Variants in DDX3X observed in about 807,000 individuals in gnomAD.
The protein encoded by DDX3X is ATP-dependent RNA helicase DDX3X.
A neutral mutation model predicts 52.7 loss-of-function variants in DDX3X; 4 were observed. That is an observed-to-expected ratio of 0.08 (90% CI 0.04 to 0.17). The LOEUF is 0.17. Among genes scored for constraint, DDX3X ranks in the 10% least tolerant of loss-of-function variants. The pLI, the probability that DDX3X is intolerant of heterozygous loss-of-function variation, is 1.00. For missense variants in DDX3X, 222 were observed against 548.6 expected, an observed-to-expected ratio of 0.40 and a Z score of 5.95; for synonymous variants, 192 against 178.1, an observed-to-expected ratio of 1.08 and a Z score of -0.62.
chrX:41,340,513 C>T (rs2063835338), intron 3 of DDX3X: 2 of 203,231 alleles, frequency 9.8e-6, no homozygotes, highest in Admixed American at 7.3e-5. Context: ...GTCTTTAAAC[C>T]CTCTACCTGT....
intron 10 of DDX3X, 27 bp from the exon 11 acceptor site, chrX:41,345,153 G>T: frequency 8.3e-7 from 1 of 1,201,812 alleles, no homozygotes; most frequent in South Asian, 1.8e-5. Context: ...TCTAAACTCA[G>T]GCTTGTTTTT....
In DDX3X at chrX:41,336,897, C is replaced by G. The variant is rs767257430; in HGVS notation, c.46-511C>G. ...TGGGCAATATTTAGGGATGAAGTATCTAACTAAAAGAACGGCCACTTCGAA... is the reference window on the plus strand; with the variant it reads ...TGGGCAATATTTAGGGATGAAGTATGTAACTAAAAGAACGGCCACTTCGAA... On this transcript the variant is annotated intron_variant, in intron 1 of 16. Coordinates refer to ENST00000644876, the MANE Select transcript of DDX3X (RefSeq NM_001356.5). Among the ~76,000 whole-genome samples the G allele has an allele frequency of 5.2e-4, 58 of 112,174 alleles. 4 individuals are homozygous for G. The highest frequency in any genetic ancestry group is 1.3e-4 in the Non-Finnish European group (7 of 53,227).
At chrX:41,346,013 C>T in intron 12 of DDX3X, 1 of 406,156 alleles carries the variant, frequency 2.5e-6, no homozygotes, top group Non-Finnish European at 4.2e-6. Flanking sequence ...GGCCAGTGCA[C>T]TCTCAGCCTG....
intron 10 of DDX3X, 114 bp from the exon 11 acceptor site, chrX:41,345,066 A>G: frequency 1.4e-6 from 1 of 740,607 alleles, no homozygotes; most frequent in Non-Finnish European, 2.0e-6. Context: ...ATGAATATAT[A>G]ATTGTAATAA....
At chrX:41,360,915 G>A (rs2064027222) in intron 5 of DDX3X, among the ~76,000 whole-genome samples, 1 of 109,421 alleles carries the variant, frequency 9.1e-6, no homozygotes, top group African/African-American at 3.3e-5. Flanking sequence ...GTCTCACTCT[G>A]TCACCCAGGC....
At chrX:41,362,860 T>C in intron 5 of DDX3X, among the ~76,000 whole-genome samples, 1 of 111,580 alleles carries the variant, frequency 9.0e-6, no homozygotes, top group African/African-American at 3.2e-5. Context: ...GGTCACTACA[T>C]GTAGCGCACT....
At chrX:41,336,272 T>C (rs1350646770) in intron 1 of DDX3X, 1 of 112,002 alleles carries the variant, frequency 8.9e-6, no homozygotes, top group African/African-American at 3.3e-5. Flanking sequence ...TTCTCCCAAC[T>C]ACTTGTGAGT....
rs2063720283 is a variant in DDX3X at position 41,334,212 on chromosome X, C to T, written c.-41C>T. On this transcript the variant is annotated 5_prime_UTR_variant, in exon 1 of 17. Transcript: ENST00000644876. ...GCCTTCGCGGTGGAACAAACACTCGCTTAGCAGCGGAAGACTCCGAGTTCT... is the reference window on the plus strand; with the variant it reads ...GCCTTCGCGGTGGAACAAACACTCGTTTAGCAGCGGAAGACTCCGAGTTCT... The T allele has an allele frequency of 5.9e-6, 7 of 1,188,320 alleles. No homozygotes were observed. The East Asian group carries it at 1.2e-4, about 20-fold the overall frequency.
intron 9 of DDX3X, 47 bp from the exon 10 acceptor site, chrX:41,344,192 T>C (rs2063890927): frequency 8.4e-7 from 1 of 1,193,831 alleles, no homozygotes; most frequent in South Asian, 1.8e-5. Flanking sequence ...TTTATGAACA[T>C]GTAAAAATTT....
rs2063944592 is a variant in DDX3X at position 41,347,635 on chromosome X, A to C, written c.1910-5A>C. The C allele has an allele frequency of 8.5e-7, 1 of 1,178,138 alleles. No homozygotes were observed. Among genetic ancestry groups the C allele is most frequent in the Non-Finnish European group, 1.1e-6 (1 of 870,100 alleles). ...ATTTCTCTCTCTTTTTAAATCTCTC[A>C]TTAGGTGGCTATGGAGGCTTTTACA... is the stretch of plus-strand genomic sequence containing the variant. On this transcript the variant is annotated splice_polypyrimidine_tract_variant and splice_region_variant and intron_variant, in intron 16 of 16. Transcript: ENST00000644876.
rs181656190 is a variant in DDX3X at position 41,344,957 on chromosome X, A to G, written c.1026-223A>G. Among the ~76,000 whole-genome samples, 499 of 112,080 alleles carry G rather than the reference A, an allele frequency of 4.5e-3. 5 individuals are homozygous for G. The highest frequency in any genetic ancestry group is 0.015 in the African/African-American group (467 of 30,897). ...TGATCAGCTCGTGGGACAGTCAACT[A>G]GGATGGGCTAATTTGACTGTGTAAT... On this transcript the variant is annotated intron_variant, in intron 10 of 16. Transcript: ENST00000644876.
chrX:41,362,539 A>G (rs891208240), intron 5 of DDX3X, among the ~76,000 whole-genome samples: 1 of 111,416 alleles, frequency 9.0e-6, no homozygotes, highest in South Asian at 3.7e-4. Context: ...TCAATCCTTA[A>G]CTGCGCCAAG....
At chrX:41,352,315 G>A (rs1319026006), downstream of DDX3X, among the ~76,000 whole-genome samples, 1 of 111,403 alleles carries the variant, frequency 9.0e-6, no homozygotes, top group Non-Finnish European at 1.9e-5. Flanking sequence ...ATGGTTTATT[G>A]GATATTTACT....
At chrX:41,342,299 AT>A (rs2063862508) in intron 4 of DDX3X, 195 bp from the exon 5 acceptor site, 1 of 432,457 alleles carries the variant, frequency 2.3e-6, no homozygotes, top group Admixed American at 4.6e-5. Context: ...AAATGTAAAG[AT>A]TACTGATTTT....
chrX:41,358,471 A>G (rs2064017635), intron 5 of DDX3X, among the ~76,000 whole-genome samples: 1 of 111,731 alleles, frequency 9.0e-6, no homozygotes, highest in Admixed American at 9.6e-5. Context: ...CTACCTTTTC[A>G]GTTTCATCTT....
downstream of DDX3X, among the ~76,000 whole-genome samples, chrX:41,353,277 C>T (rs749411055): frequency 9.8e-4 from 93 of 94,441 alleles, no homozygotes; most frequent in Middle Eastern, 5.8e-3. Flanking sequence ...CACGGTGAAA[C>T]CCTGTCTCTA....
chrX:41,338,804 T>C (rs2063806870), intron 2 of DDX3X: 1 of 133,357 alleles, frequency 7.5e-6, no homozygotes, highest in Non-Finnish European at 1.5e-5. Flanking sequence ...ATTTCAACTA[T>C]TAGGTTCCAA....
At chrX:41,334,723 C>A in intron 1 of DDX3X, 1 of 989,099 alleles carries the variant, frequency 1.0e-6, no homozygotes, top group East Asian at 6.7e-5. Flanking sequence ...GGATTCCCGT[C>A]CGGAGGACCT....
At chrX:41,343,678 C>T in intron 7 of DDX3X, 59 bp from the exon 8 acceptor site, 1 of 1,026,964 alleles carries the variant, frequency 9.7e-7, no homozygotes, top group Non-Finnish European at 1.4e-6. Flanking sequence ...AAAACACTGT[C>T]ATCTACCAAT....
Sources: allele counts gnomAD v4.1 joint callset (sites outside exome capture counted in the v4.1 genomes callset), GRCh38; gene constraint gnomAD v4.1.1; transcripts MANE v1.5; gene names NCBI Gene and HGNC (gene_info 2026-07-23, HGNC 2026-07-21).